The following SNX13 variants were observed in gnomAD, a reference collection of about 807,000 sequenced individuals.
SNX13 encodes the protein sorting nexin 13.
SNX13 carries 45 observed loss-of-function variants against 133.6 expected under a neutral mutation model. The ratio of observed to expected loss-of-function variants is 0.34; its 90% CI spans 0.27 to 0.43. The LOEUF (loss-of-function observed/expected upper bound fraction) is 0.43. SNX13 is among the 20% of genes least tolerant of loss of function. The pLI is 1.00. For synonymous variants in SNX13, 414 were observed against 373.9 expected (o/e 1.11, Z -1.24); for missense variants, 1,032 against 1,145.1 (o/e 0.90, Z 1.43).
intron 5 of SNX13, chr7:17,881,264 AG>A (rs1298587183): frequency 1.3e-5 from 2 of 151,782 alleles, no homozygotes; most frequent in Admixed American, 6.6e-5. Context: ...ACACACACAG[AG>A]GTCCATAGAA....
intron 5 of SNX13, among the ~76,000 whole-genome samples, chr7:17,884,029 C>T (rs2128368120): frequency 6.6e-6 from 1 of 152,300 alleles, no homozygotes; most frequent in South Asian, 2.1e-4. Flanking sequence ...CCTACAAATC[C>T]TAAAATCGTT....
At chr7:17,867,336 A>C (rs977458206) in intron 9 of SNX13, among the ~76,000 whole-genome samples, 1 of 152,100 alleles carries the variant, frequency 6.6e-6, no homozygotes, top group Non-Finnish European at 1.5e-5. Context: ...GCCAGGCACA[A>C]TGGCTCACAC....
intron 1 of SNX13, among the ~76,000 whole-genome samples, chr7:17,923,861 T>G (rs1800423638): frequency 2.0e-5 from 3 of 152,122 alleles, no homozygotes; most frequent in African/African-American, 7.2e-5. Context: ...TCGACACTGC[T>G]ACAAAGTAAA....
intron 17 of SNX13, among the ~76,000 whole-genome samples, chr7:17,824,184 A>G (rs1185932780): frequency 6.6e-6 from 1 of 152,182 alleles, no homozygotes; most frequent in Non-Finnish European, 1.5e-5. Flanking sequence ...TTATGTAAAA[A>G]AAAAATAGCA....
At chr7:17,895,399 G>C (rs1797093966) in intron 2 of SNX13, among the ~76,000 whole-genome samples, 1 of 151,926 alleles carries the variant, frequency 6.6e-6, no homozygotes, top group African/African-American at 2.4e-5. Flanking sequence ...CTTTCCAAAA[G>C]CATTCTTTAT....
At chr7:17,843,934 A>C (rs1321441964) in intron 12 of SNX13, among the ~76,000 whole-genome samples, 1 of 152,026 alleles carries the variant, frequency 6.6e-6, no homozygotes, top group Non-Finnish European at 1.5e-5. Flanking sequence ...TAACACACCA[A>C]ACTAATGGGA....
At chr7:17,868,809 G>C (rs1382003202) in intron 8 of SNX13, among the ~76,000 whole-genome samples, 1 of 151,978 alleles carries the variant, frequency 6.6e-6, no homozygotes, top group Non-Finnish European at 1.5e-5. Context: ...AGTGTTTATG[G>C]ATTCATTTAT....
At chr7:17,938,312 C>T (rs533450576) in intron 1 of SNX13, among the ~76,000 whole-genome samples, 3 of 152,258 alleles carry the variant, frequency 2.0e-5, no homozygotes, top group East Asian at 1.9e-4. Flanking sequence ...CTGAGCAAAA[C>T]GGTCAGAGCT....
At chr7:17,913,557 T>C (rs747472748) in intron 1 of SNX13, among the ~76,000 whole-genome samples, 35 of 152,042 alleles carry the variant, frequency 2.3e-4, no homozygotes, top group Non-Finnish European at 4.7e-4. Flanking sequence ...AACAAAAATA[T>C]GTTGCTACAA....
At chr7:17,884,773 T>G (rs899185071) in intron 5 of SNX13, among the ~76,000 whole-genome samples, 1 of 152,168 alleles carries the variant, frequency 6.6e-6, no homozygotes. Context: ...GAAAAGATGC[T>G]CGATATCACT....
intron 1 of SNX13, among the ~76,000 whole-genome samples, chr7:17,910,170 T>A (rs1471402663): frequency 6.6e-6 from 1 of 152,186 alleles, no homozygotes. Flanking sequence ...TCCTTTTATT[T>A]TGTGCAATAA....
chr7:17,825,318 C>A (rs982334693), intron 17 of SNX13, among the ~76,000 whole-genome samples: 1 of 135,428 alleles, frequency 7.4e-6, no homozygotes, highest in African/African-American at 2.9e-5. Flanking sequence ...ACTATAAAAT[C>A]TCTTCAGTGT....
chr7:17,923,112 G>C (rs1189304173), intron 1 of SNX13, among the ~76,000 whole-genome samples: 4 of 152,054 alleles, frequency 2.6e-5, no homozygotes, highest in Non-Finnish European at 5.9e-5. Flanking sequence ...TTTAAGTGAA[G>C]GCATTACTCC....
At chr7:17,845,258 AAGTG>A (rs917424889) in intron 12 of SNX13, among the ~76,000 whole-genome samples, 5 of 152,188 alleles carry the variant, frequency 3.3e-5, no homozygotes, top group Non-Finnish European at 7.4e-5. Flanking sequence ...TATCCACGTT[AAGTG>A]AGTAAGCCAG....
chr7:17,940,239 C>A (rs1290101616), intron 1 of SNX13, 45 bp downstream of exon 1: 2 of 1,553,034 alleles, frequency 1.3e-6, no homozygotes, highest in East Asian at 2.4e-5. Flanking sequence ...GGCGCCGGCC[C>A]CTTCCCCATT....
At chr7:17,858,171 T>C (rs1374253153) in intron 9 of SNX13, among the ~76,000 whole-genome samples, 1 of 152,140 alleles carries the variant, frequency 6.6e-6, no homozygotes, top group African/African-American at 2.4e-5. Context: ...CTAGAAGTCC[T>C]ACCCAGAGTA....
intron 1 of SNX13, among the ~76,000 whole-genome samples, chr7:17,906,799 C>T (rs1461681012): frequency 1.3e-5 from 2 of 152,072 alleles, no homozygotes; most frequent in Non-Finnish European, 2.9e-5. Flanking sequence ...AACAGAAGAG[C>T]CAAAGGTCAG....
At chr7:17,858,666 T>C (rs946885275) in intron 9 of SNX13, among the ~76,000 whole-genome samples, 2 of 151,970 alleles carry the variant, frequency 1.3e-5, no homozygotes, top group Non-Finnish European at 2.9e-5. Context: ...GTCAAAACAA[T>C]CCTAGAGAAA....
intron 1 of SNX13, among the ~76,000 whole-genome samples, chr7:17,913,846 C>T (rs1799274956): frequency 6.7e-6 from 1 of 150,164 alleles, no homozygotes; most frequent in South Asian, 2.1e-4. Flanking sequence ...ATACAAAAGC[C>T]AGTGTTTTGT....
Sources: allele counts gnomAD v4.1 joint callset (sites outside exome capture counted in the v4.1 genomes callset), GRCh38; gene constraint gnomAD v4.1.1; transcripts MANE v1.5; gene names NCBI Gene and HGNC (gene_info 2026-07-23, HGNC 2026-07-21).